The following AFG1L variants were observed in gnomAD, a reference collection of about 807,000 sequenced individuals.
AFG1L encodes the protein AFG1-like ATPase.
Under a neutral mutation model 62.2 loss-of-function variants are expected in AFG1L, and 53 were observed. The observed-to-expected ratio is 0.85, with a 90% CI of 0.68 to 1.07. AFG1L has a LOEUF of 1.07. Among genes scored for constraint, AFG1L ranks in the 50% least tolerant of loss-of-function variants. AFG1L has a pLI of 0.00. For synonymous variants in AFG1L, 228 were observed against 210.3 expected, an observed-to-expected ratio of 1.08 and a Z score of -0.73; for missense variants, 555 against 590.5, an observed-to-expected ratio of 0.94 and a Z score of 0.62.
intron 10 of AFG1L, among the ~76,000 whole-genome samples, chr6:108,479,278 T>C (rs1462343028): frequency 1.3e-5 from 2 of 152,190 alleles, no homozygotes; most frequent in African/African-American, 4.8e-5. Flanking sequence ...AGATGTGAGC[T>C]ACCATGACCA....
At chr6:108,415,234 A>G (rs1014405988) in intron 7 of AFG1L, among the ~76,000 whole-genome samples, 2 of 152,226 alleles carry the variant, frequency 1.3e-5, no homozygotes, top group African/African-American at 4.8e-5. Context: ...GGACCTCTTC[A>G]AGGAGAACTG....
intron 7 of AFG1L, among the ~76,000 whole-genome samples, chr6:108,443,809 A>G (rs2114741675): frequency 6.6e-6 from 1 of 152,186 alleles, no homozygotes; most frequent in Admixed American, 6.5e-5. Context: ...TAAGAGGAGA[A>G]GGTTGCAGTG....
intron 5 of AFG1L, among the ~76,000 whole-genome samples, chr6:108,361,966 T>C (rs536007411): frequency 1.3e-5 from 2 of 152,354 alleles, no homozygotes; most frequent in Admixed American, 1.3e-4. Flanking sequence ...TCTTTATTAA[T>C]TGATGTCTCA....
intron 8 of AFG1L, among the ~76,000 whole-genome samples, chr6:108,470,058 G>T (rs1259425787): frequency 1.3e-5 from 2 of 152,178 alleles, no homozygotes; most frequent in Non-Finnish European, 2.9e-5. Flanking sequence ...GAGTTCTTTG[G>T]TGAGAACTGG....
chr6:108,423,735 A>C (rs901703697), intron 7 of AFG1L, among the ~76,000 whole-genome samples: 5 of 152,150 alleles, frequency 3.3e-5, no homozygotes, highest in Non-Finnish European at 7.4e-5. Flanking sequence ...GTTAGAATAC[A>C]TAAAAGGACT....
At chr6:108,396,901 G>A (rs186265580) in intron 6 of AFG1L, among the ~76,000 whole-genome samples, 1 of 152,078 alleles carries the variant, frequency 6.6e-6, no homozygotes, top group Non-Finnish European at 1.5e-5. Context: ...TCTCAAGCAC[G>A]TATCCTTTGT....
Position 108,358,182 on chromosome 6 carries a change from A to G in AFG1L, c.648+1362A>G, listed in dbSNP as rs912654768. On this transcript the variant is annotated intron_variant, in intron 5 of 12. Transcript: ENST00000368977. ...ACAGTTATGCTGCTTTCAAGAACAA[A>G]AGTCAGTGGTGAATCAATAGAGGCC... is the stretch of plus-strand genomic sequence containing the variant. 9.8e-5 allele frequency among the ~76,000 whole-genome samples: 15 copies of G among 152,330 alleles called. No homozygotes were observed. In the South Asian group the frequency reaches 1.2e-3, roughly 13 times the overall value.
intron 1 of AFG1L, chr6:108,295,849 G>A (rs541289): frequency 0.3 from 44,927 of 152,024 alleles, 10,003 homozygotes; most frequent in African/African-American, 0.62. Flanking sequence ...CTCTATTCAT[G>A]TATTCGCACT....
At chr6:108,470,549 C>A (rs1772844607) in intron 8 of AFG1L, among the ~76,000 whole-genome samples, 1 of 149,196 alleles carries the variant, frequency 6.7e-6, no homozygotes. Context: ...AATTCTAGGA[C>A]AAGAGGGAAA....
intron 8 of AFG1L, among the ~76,000 whole-genome samples, chr6:108,470,351 G>A (rs1772835031): frequency 6.6e-6 from 1 of 152,128 alleles, no homozygotes; most frequent in African/African-American, 2.4e-5. Context: ...TCCTTATAAA[G>A]ACACTGTGTT....
intron 7 of AFG1L, among the ~76,000 whole-genome samples, chr6:108,438,689 G>A (rs1411895464): frequency 6.6e-6 from 1 of 152,136 alleles, no homozygotes; most frequent in Non-Finnish European, 1.5e-5. Context: ...CCCATCTAAA[G>A]CACATGATAA....
intron 3 of AFG1L, among the ~76,000 whole-genome samples, chr6:108,347,961 A>G (rs1582413652): frequency 6.6e-6 from 1 of 152,128 alleles, no homozygotes; most frequent in East Asian, 1.9e-4. Flanking sequence ...AGGCTCCCCT[A>G]TAGCCACAAC....
Position 108,447,581 on chromosome 6 carries a change from C to G in AFG1L, c.890+285C>G, listed in dbSNP as rs555940540. 3.3e-5 allele frequency among the ~76,000 whole-genome samples: 5 copies of G among 152,196 alleles called. No individual in the cohort carries two copies. In the East Asian group the frequency reaches 9.6e-4, roughly 29 times the overall value. On this transcript the variant is annotated intron_variant, in intron 8 of 12. Transcript: ENST00000368977. The stretch of plus-strand genomic sequence containing the variant: ...CCTTTTATAAGAGACTCTATTATTA[C>G]GAGAATATCTTTAATGTGTGAAGTA...
chr6:108,398,010 G>A (rs907625319), intron 6 of AFG1L, among the ~76,000 whole-genome samples: 1 of 152,032 alleles, frequency 6.6e-6, no homozygotes, highest in African/African-American at 2.4e-5. Flanking sequence ...TCTTTTTTTA[G>A]TGTTTTGAGG....
chr6:108,419,467 G>A (rs796333481), intron 7 of AFG1L, among the ~76,000 whole-genome samples: 9 of 152,184 alleles, frequency 5.9e-5, no homozygotes, highest in African/African-American at 2.2e-4. Flanking sequence ...CAGATGGTTC[G>A]ATTAGAGAAA....
intron 6 of AFG1L, among the ~76,000 whole-genome samples, chr6:108,382,603 TA>T (rs1290283127): frequency 1.3e-5 from 2 of 152,218 alleles, no homozygotes; most frequent in Non-Finnish European, 2.9e-5. Context: ...AATCACTTCA[TA>T]AAATATAAGT....
chr6:108,418,333 A>AG (rs1467793626), intron 7 of AFG1L, among the ~76,000 whole-genome samples: 1 of 152,096 alleles, frequency 6.6e-6, no homozygotes, highest in Non-Finnish European at 1.5e-5. Context: ...CTCTTTTTGG[A>AG]GTACAGTTGC....
At chr6:108,360,074 C>T (rs1779463289) in intron 5 of AFG1L, among the ~76,000 whole-genome samples, 1 of 152,144 alleles carries the variant, frequency 6.6e-6, no homozygotes, top group East Asian at 1.9e-4. Context: ...AGCTAAAGCC[C>T]AGGAAGAGAA....
intron 6 of AFG1L, among the ~76,000 whole-genome samples, chr6:108,378,491 G>T (rs1327094800): frequency 6.6e-6 from 1 of 151,962 alleles, no homozygotes; most frequent in East Asian, 1.9e-4. Flanking sequence ...GCTAATTTTT[G>T]TATTTTTAGT....
Sources: gnomAD v4.1 joint callset for allele counts (sites outside exome capture counted in the v4.1 genomes callset) on GRCh38, gnomAD v4.1.1 for gene constraint, MANE v1.5 for transcripts, NCBI Gene and HGNC (gene_info 2026-07-23, HGNC 2026-07-21) for gene names.